TMEM26: variants seen among roughly 807,000 people sequenced by gnomAD.
TMEM26 encodes transmembrane protein 26.
TMEM26 carries 38 observed loss-of-function variants against 28.8 expected under a neutral mutation model. The ratio of observed to expected loss-of-function variants is 1.32; its 90% CI spans 1.02 to 1.73. The LOEUF (loss-of-function observed/expected upper bound fraction) is 1.73, where lower values mean the gene tolerates loss of function less well. Among genes scored for constraint, TMEM26 ranks in the 40% most tolerant of loss-of-function variants. The probability of loss-of-function intolerance (pLI) is 0.00; values close to 1 mark genes in which losing one functional copy is unlikely to be tolerated. For missense variants in TMEM26, 518 were observed against 447.1 expected, an observed-to-expected ratio of 1.16 and a Z score of -1.43; for synonymous variants, 227 against 182.9, an observed-to-expected ratio of 1.24 and a Z score of -1.95.
intron 4 of TMEM26, among the ~76,000 whole-genome samples, chr10:61,419,957 C>A (rs775192186): frequency 3.3e-4 from 50 of 151,980 alleles, no homozygotes; most frequent in Admixed American, 5.9e-4. Context: ...AGAGTAACAA[C>A]AAATAAGTAC....
chr10:61,433,055 G>A (rs1262087234), intron 2 of TMEM26, among the ~76,000 whole-genome samples: 1 of 152,144 alleles, frequency 6.6e-6, no homozygotes, highest in African/African-American at 2.4e-5. Context: ...AACAGACTAT[G>A]TATTAAAAAT....
chr10:61,435,909 A>C (rs1839997517), intron 2 of TMEM26, among the ~76,000 whole-genome samples: 1 of 152,220 alleles, frequency 6.6e-6, no homozygotes, highest in Admixed American at 6.5e-5. Flanking sequence ...GGACAGGGGA[A>C]GTCTTAGTAA....
chr10:61,451,305 G>A (rs549712567), intron 1 of TMEM26, among the ~76,000 whole-genome samples: 9 of 152,262 alleles, frequency 5.9e-5, no homozygotes, highest in East Asian at 1.9e-4. Flanking sequence ...GACTTAATGC[G>A]AGTTAAGGCC....
rs1839876648 is a variant in TMEM26, at chr10:61,429,006, A to G, written c.525T>C (p.Ser175=). The G allele has an allele frequency of 6.2e-7, 1 of 1,613,370 alleles. No individual in the cohort carries two copies. The highest frequency in any genetic ancestry group is 2.2e-5 in the East Asian group (1 of 44,852). Residue 175 remains serine (S), a synonymous_variant, in exon 4 of 6, where the codon TCT becomes TCC. Transcript: ENST00000399298. ...IGGGITRDQL[S]QLLLMFVGTA... ...TCCCCACAAACATAAGAAGAAGTTG[A>G]GAGAGTTGATCTCGAGTGATCCCGC...
Position 61,410,544 on chromosome 10 carries a change from G to A in TMEM26, c.885C>T (p.Leu295=), listed in dbSNP as rs1370384505. 6 of 1,614,100 alleles carry A rather than the reference G, an allele frequency of 3.7e-6. No individual in the cohort carries two copies. The highest frequency in any genetic ancestry group is 1.1e-5 in the South Asian group (1 of 91,078). Residue 295 remains leucine (L), a synonymous_variant, in exon 6 of 6, where the codon CTC becomes CTT. Transcript: ENST00000399298. ...AGCGGTAGAGTTGCAACACCACCACGAGGAAGTTCTTCGCGGCAAAGAACA... is the reference window on the plus strand; with the variant it reads ...AGCGGTAGAGTTGCAACACCACCACAAGGAAGTTCTTCGCGGCAAAGAACA... The part of the protein sequence containing the change: ...MLVFFAAKNF[L]VVVLQLYRLV...
chr10:61,428,760 G>A (rs1046567716), intron 4 of TMEM26, among the ~76,000 whole-genome samples, 166 bp downstream of exon 4: 2 of 152,084 alleles, frequency 1.3e-5, no homozygotes, highest in Non-Finnish European at 2.9e-5. Context: ...CATAAAGACT[G>A]TGCTCGTTTC....
intron 4 of TMEM26, chr10:61,414,011 A>C (rs1839611223): frequency 1.0e-5 from 10 of 987,752 alleles, no homozygotes; most frequent in Non-Finnish European, 1.1e-5. Context: ...TTGTCATTAG[A>C]TAGGAAAAAG....
chr10:61,423,314 T>A (rs1456170867), intron 4 of TMEM26, among the ~76,000 whole-genome samples: 5 of 152,024 alleles, frequency 3.3e-5, no homozygotes, highest in African/African-American at 1.2e-4. Flanking sequence ...TTTCAGAAAA[T>A]AAAGAAGGAA....
chr10:61,413,686 C>A (rs1049393279), intron 4 of TMEM26, 151 bp from the exon 5 acceptor site: 15 of 1,327,994 alleles, frequency 1.1e-5, no homozygotes, highest in Non-Finnish European at 1.4e-5. Context: ...AAAATCCTTA[C>A]ATGATAATAA....
At position 61,453,041 on chromosome 10, in the gene TMEM26, A is replaced by C; in HGVS notation, c.41T>G (p.Leu14Trp). 1 of 1,613,708 alleles carries C rather than the reference A, an allele frequency of 6.2e-7. No homozygotes were observed. Among genetic ancestry groups the C allele is most frequent in the Non-Finnish European group, 8.5e-7 (1 of 1,179,988 alleles). Residue 14 changes from leucine (L) to tryptophan (W), a missense_variant, in exon 1 of 6, where the codon TTG (leucine) becomes TGG (tryptophan). Transcript: ENST00000399298. Reference sequence around the variant, plus strand: ...GACCAGCGAGTGCAGCAGGAACAGCAACCGAGTGGCCAGGGCGTTAAGGAA... The same window carrying C: ...GACCAGCGAGTGCAGCAGGAACAGCCACCGAGTGGCCAGGGCGTTAAGGAA... ...LVFLNALATR[L>W]LFLLHSLVGV... is the part of the protein sequence containing the mutation.
In TMEM26 at chr10:61,430,948, C is replaced by A. The variant is rs567708902; in HGVS notation, c.384+271G>T. Among the ~76,000 whole-genome samples the A allele has an allele frequency of 1.5e-4, 23 of 152,078 alleles. No individual in the cohort carries two copies. In the South Asian group the frequency reaches 4.8e-3, roughly 32 times the overall value. ...TTGTTTCATAAATGTATATGTCTCT[C>A]AATGTGCACATATTATCTTCTTTAT... On this transcript the variant is annotated intron_variant, in intron 3 of 5. Transcript: ENST00000399298.
In TMEM26 at chr10:61,410,277, A is replaced by C. The variant is rs775344664; in HGVS notation, c.*45T>G. The C allele has an allele frequency of 1.3e-6, 2 of 1,537,170 alleles. No individual in the cohort carries two copies. The highest frequency in any genetic ancestry group is 4.5e-5 in the East Asian group (2 of 44,140). Reference sequence around the variant, plus strand: ...GAAAAAGGATCCTCCCTGTAAGAAGAACCAGGGAGTCAGGTTCTAGCCGCA... The same window carrying C: ...GAAAAAGGATCCTCCCTGTAAGAAGCACCAGGGAGTCAGGTTCTAGCCGCA... On this transcript the variant is annotated 3_prime_UTR_variant, in exon 6 of 6. Transcript: ENST00000399298.
rs2393852 is a variant in TMEM26, at chr10:61,419,191, C to A, written c.606-5656G>T. On this transcript the variant is annotated intron_variant, in intron 4 of 5. Coordinates refer to ENST00000399298, the MANE Select transcript of TMEM26 (RefSeq NM_178505.8). ...CAGGTGGTGGCAGTGGTGGGGGAGG[C>A]TGAAGATAACATGGTTATAATACAT... Among the ~76,000 whole-genome samples the A allele has an allele frequency of 7.2e-5, 11 of 152,100 alleles. No homozygotes were observed. The East Asian group carries it at 2.1e-3, about 29-fold the overall frequency.
At position 61,437,204 on chromosome 10, in the gene TMEM26, T is replaced by G. The variant is rs568582942; in HGVS notation, c.192-956A>C. 3.3e-4 allele frequency among the ~76,000 whole-genome samples: 50 copies of G among 152,280 alleles called. 2 individuals carry two copies. In the South Asian group the frequency reaches 0.01, roughly 32 times the overall value. ...TATAAAGCCTCCAGTTTTATTGGAT[T>G]GGGACCCTACCTTTAAGACCTTATT... On this transcript the variant is annotated intron_variant, in intron 1 of 5. Transcript: ENST00000399298.
At chr10:61,449,339 T>A (rs1412235877) in intron 1 of TMEM26, among the ~76,000 whole-genome samples, 1 of 152,174 alleles carries the variant, frequency 6.6e-6, no homozygotes, top group Non-Finnish European at 1.5e-5. Flanking sequence ...CTCTCTATTC[T>A]ATAGGATTCC....
chr10:61,412,740 A>G (rs1839587382), intron 5 of TMEM26, among the ~76,000 whole-genome samples: 1 of 152,176 alleles, frequency 6.6e-6, no homozygotes, highest in Non-Finnish European at 1.5e-5. Flanking sequence ...GGTGGCTAGT[A>G]TGACTGAGGA....
chr10:61,448,519 A>C (rs1840223415), intron 1 of TMEM26, among the ~76,000 whole-genome samples: 1 of 152,324 alleles, frequency 6.6e-6, no homozygotes, highest in Non-Finnish European at 1.5e-5. Flanking sequence ...GAAGATAGGA[A>C]ATGCTAAATA....
intron 1 of TMEM26, 21 bp downstream of exon 1, chr10:61,452,870 G>T (rs1312588523): frequency 6.2e-7 from 1 of 1,603,416 alleles, no homozygotes; most frequent in Admixed American, 1.7e-5. Context: ...GTGCGCCCTC[G>T]CTTTCCCGGG....
chr10:61,442,031 CATTT>C (rs1840103015), intron 1 of TMEM26, among the ~76,000 whole-genome samples: 1 of 148,670 alleles, frequency 6.7e-6, no homozygotes. Context: ...CTTAAAAATT[CATTT>C]GTTTTGTTTT....
Sources: gnomAD v4.1 joint callset for allele counts (sites outside exome capture counted in the v4.1 genomes callset) on GRCh38, gnomAD v4.1.1 for gene constraint, MANE v1.5 for transcripts, NCBI Gene and HGNC (gene_info 2026-07-23, HGNC 2026-07-21) for gene names.